IGSF10: variants seen among roughly 807,000 people sequenced by gnomAD.
The protein encoded by IGSF10 is calvaria mechanical force protein 608.
IGSF10 carries 126 observed loss-of-function variants against 128.2 expected under a neutral mutation model. The observed-to-expected ratio is 0.98, with a 90% CI of 0.85 to 1.14. The LOEUF (loss-of-function observed/expected upper bound fraction) is 1.14, where lower values mean the gene tolerates loss of function less well. IGSF10 is among the 50% of genes most tolerant of loss of function. IGSF10 has a pLI of 0.00. For missense variants in IGSF10, 3,295 were observed against 3,149.8 expected (o/e 1.05, Z -1.10); for synonymous variants, 1,185 against 1,146.2 (o/e 1.03, Z -0.68).
At chr3:151,466,769 G>A in the IGSF10 span, among the ~76,000 whole-genome samples, 2 of 152,040 alleles carry the variant, frequency 1.3e-5, no homozygotes, top group African/African-American at 4.8e-5. Context: ...AGTAGAGACA[G>A]GGTTTCACCA....
At chr3:151,522,482 C>G in the IGSF10 span, among the ~76,000 whole-genome samples, 2 of 152,088 alleles carry the variant, frequency 1.3e-5, no homozygotes, top group Non-Finnish European at 2.9e-5. Flanking sequence ...CATCAGAAAG[C>G]TAATCCACTA....
At chr3:151,546,943 A>G in the IGSF10 span, among the ~76,000 whole-genome samples, 1 of 151,774 alleles carries the variant, frequency 6.6e-6, no homozygotes, top group Non-Finnish European at 1.5e-5. Context: ...GCTAATTTTT[A>G]TATAATTAGT....
At chr3:151,498,211 T>C in the IGSF10 span, among the ~76,000 whole-genome samples, 1 of 152,184 alleles carries the variant, frequency 6.6e-6, no homozygotes, top group African/African-American at 2.4e-5. Flanking sequence ...CAACACTATG[T>C]TGAATAGGAG....
chr3:151,462,393 A>C (rs186624222), upstream of IGSF10, among the ~76,000 whole-genome samples: 61 of 152,360 alleles, frequency 4.0e-4, no homozygotes, highest in African/African-American at 1.4e-3. Flanking sequence ...CAAGCCTTCC[A>C]TATGATTCTG....
rs1720534316 is a variant in IGSF10 at position 151,438,105 on chromosome 3, T to TCTC, written c.6453_6455dup (p.Arg2152dup). The TCTC allele has an allele frequency of 2.5e-6, 4 of 1,614,032 alleles. No individual in the cohort carries two copies. The African/African-American group carries it at 5.3e-5, about 22-fold the overall frequency. ...GGACAGCTGTGTCTCCAGCTTTGAT[T>TCTC]CTCTTGTTGGTTTTGTTACTCTGCC... is the stretch of plus-strand genomic sequence containing the variant. On this transcript the variant is annotated inframe_insertion, in exon 8 of 8. Transcript: ENST00000282466.
At chr3:151,508,408 C>CA in the IGSF10 span, among the ~76,000 whole-genome samples, 1,061 of 152,078 alleles carry the variant, frequency 7.0e-3, 14 homozygotes, top group African/African-American at 0.025. Context: ...ATTAATAAGA[C>CA]AAAGTATTTT....
rs778312935 is a variant in IGSF10 at position 151,443,719 on chromosome 3, T to C, written c.5228A>G (p.Tyr1743Cys). The C allele has an allele frequency of 2.3e-5, 37 of 1,614,022 alleles. No homozygotes were observed. The highest frequency in any genetic ancestry group is 2.8e-5 in the Non-Finnish European group (33 of 1,180,032). Reference protein sequence around the residue: ...HLHVTLSVVSYPPRILERRTK... With the variant: ...HLHVTLSVVSCPPRILERRTK... ...ACGTCTCTCCAGGATCCTGGGAGGA[T>C]AGGAAACCACAGACAAGGTGACATG... The change falls in exon 7 of 8, where the codon TAT becomes TGT. Residue 1743 changes from tyrosine to cysteine, a missense_variant. Tyr to Cys is a radical substitution (Grantham distance 194, BLOSUM62 -2). Coordinates refer to ENST00000282466, the MANE Select transcript of IGSF10 (RefSeq NM_178822.5).
At chr3:151,552,152 C>T in the IGSF10 span, among the ~76,000 whole-genome samples, 1 of 152,088 alleles carries the variant, frequency 6.6e-6, no homozygotes, top group African/African-American at 2.4e-5. Context: ...AGCATTTCCC[C>T]CTTTGCTCTC....
chr3:151,506,109 G>A, the IGSF10 span, among the ~76,000 whole-genome samples: 2 of 152,100 alleles, frequency 1.3e-5, no homozygotes, highest in South Asian at 2.1e-4. Context: ...ACGCCACTAC[G>A]CTCAGCTAAT....
the IGSF10 span, among the ~76,000 whole-genome samples, chr3:151,575,894 T>G: frequency 6.6e-6 from 1 of 152,226 alleles, no homozygotes; most frequent in South Asian, 2.1e-4. Flanking sequence ...CAAGGCTTTC[T>G]TTGTGGACTT....
the IGSF10 span, among the ~76,000 whole-genome samples, chr3:151,487,461 C>T: frequency 3.3e-5 from 5 of 152,112 alleles, no homozygotes; most frequent in African/African-American, 4.8e-5. Flanking sequence ...AAAAGAAGGA[C>T]TCCTTCCTAA....
At position 151,443,798 on chromosome 3, in the gene IGSF10, C is replaced by T. The variant is rs1219066281; in HGVS notation, c.5149G>A (p.Asp1717Asn). Residue 1717 changes from aspartate to asparagine, a missense_variant, in exon 7 of 8, where the codon GAC (aspartate) becomes AAC (asparagine). By Grantham distance (23) the Asp-to-Asn change is conservative. Transcript: ENST00000282466. ...GCGGAACACAAGTACTGTCCGCGGT[C>T]CTGAATTTCCACCCTCTGGATGGAC... ...TLSIQRVEIQ[D>N]RGQYLCSASN... 3 of 1,614,118 alleles carry T rather than the reference C, an allele frequency of 1.9e-6. No homozygotes were observed. The highest frequency in any genetic ancestry group is 2.5e-6 in the Non-Finnish European group (3 of 1,180,016).
chr3:151,461,331 G>A (rs1025205961), upstream of IGSF10: 147 of 985,152 alleles, frequency 1.5e-4, no homozygotes, highest in Non-Finnish European at 1.8e-4. Flanking sequence ...TGGGCCTTTT[G>A]GTTTAAGGGT....
At chr3:151,598,807 T>C in the IGSF10 span, among the ~76,000 whole-genome samples, 2 of 152,236 alleles carry the variant, frequency 1.3e-5, no homozygotes, top group Non-Finnish European at 2.9e-5. Flanking sequence ...ACATTGTTAA[T>C]ACCATAGGTA....
At chr3:151,569,707 T>C in the IGSF10 span, among the ~76,000 whole-genome samples, 4 of 152,178 alleles carry the variant, frequency 2.6e-5, no homozygotes, top group African/African-American at 9.7e-5. Flanking sequence ...TATTTTCAAT[T>C]GATCATGGCA....
upstream of IGSF10, among the ~76,000 whole-genome samples, chr3:151,463,308 G>T (rs547050473): frequency 2.6e-5 from 4 of 152,040 alleles, no homozygotes; most frequent in East Asian, 5.8e-4. Flanking sequence ...TCTAATATTT[G>T]TAATTACTTT....
rs377561455 is a variant in IGSF10 at position 151,447,334 on chromosome 3, G to A, written c.2647C>T (p.Gln883Ter). 10 of 1,614,192 alleles carry A rather than the reference G, an allele frequency of 6.2e-6. No homozygotes were observed. The highest frequency in any genetic ancestry group is 2.2e-5 in the East Asian group (1 of 44,880). The change falls in exon 6 of 8, where the codon CAA (glutamine) becomes TAA (stop). Residue 883 changes from glutamine to a stop codon, truncating the protein, a stop_gained. Transcript: ENST00000282466. LOFTEE classifies it high-confidence loss of function. ...GATGAATGTTGATTGGTTGTGCCTT[G>A]TATTTGGCTTGACATGGTTGGGTTT... ...NINPTMSSQI[Q>*]GTTNQHSSTV...
chr3:151,597,067 A>G, the IGSF10 span, among the ~76,000 whole-genome samples: 16,086 of 151,864 alleles, frequency 0.11, 976 homozygotes, highest in Non-Finnish European at 0.14. Context: ...TTCCTTTATG[A>G]TGTTAATTCT....
At chr3:151,457,408 A>G (rs1721847612) in intron 3 of IGSF10, among the ~76,000 whole-genome samples, 1 of 152,108 alleles carries the variant, frequency 6.6e-6, no homozygotes, top group Admixed American at 6.5e-5. Context: ...TCATTTTCAA[A>G]CTTTTATATA....
Sources: gnomAD v4.1 joint callset for allele counts (sites outside exome capture counted in the v4.1 genomes callset) on GRCh38, gnomAD v4.1.1 for gene constraint, MANE v1.5 for transcripts, NCBI Gene and HGNC (gene_info 2026-07-23, HGNC 2026-07-21) for gene names.